GTF2E2: variants seen among roughly 807,000 people sequenced by gnomAD.
GTF2E2 encodes transcription initiation factor IIE subunit beta.
GTF2E2 carries 21 observed loss-of-function variants against 40.5 expected under a neutral mutation model. The ratio of observed to expected loss-of-function variants is 0.52; its 90% CI spans 0.37 to 0.75. The LOEUF is 0.75. GTF2E2 is among the 30% of genes least tolerant of loss of function. The pLI is 0.00. For synonymous variants in GTF2E2, 117 were observed against 121.6 expected, an observed-to-expected ratio of 0.96 and a Z score of 0.25; for missense variants, 298 against 338.4, an observed-to-expected ratio of 0.88 and a Z score of 0.94.
chr8:30,613,489 GGAGA>G (rs1402003692), intron 4 of GTF2E2, among the ~76,000 whole-genome samples: 1 of 152,162 alleles, frequency 6.6e-6, no homozygotes, highest in Non-Finnish European at 1.5e-5. Context: ...GACCCTGAAA[GGAGA>G]AAGAGAAGAA....
intron 6 of GTF2E2, among the ~76,000 whole-genome samples, chr8:30,599,573 T>C (rs1829112976): frequency 9.3e-6 from 1 of 107,118 alleles, no homozygotes; most frequent in Admixed American, 9.0e-5. Flanking sequence ...AGCGAGAGTT[T>C]GTCTCACAAA....
At chr8:30,623,856 TG>T (rs968711606) in intron 3 of GTF2E2, among the ~76,000 whole-genome samples, 2 of 151,784 alleles carry the variant, frequency 1.3e-5, no homozygotes, top group Non-Finnish European at 2.9e-5. Context: ...CACTTTTTGA[TG>T]GGGTTTTTTT....
chr8:30,638,285 G>A lies in GTF2E2; in HGVS notation c.167-3162C>T, dbSNP rs191163621. Among the ~76,000 whole-genome samples, 10 of 152,224 alleles carry A rather than the reference G, an allele frequency of 6.6e-5. 1 individual carries two copies. The East Asian group carries it at 1.9e-3, about 29-fold the overall frequency. On this transcript the variant is annotated intron_variant, in intron 2 of 7. Coordinates refer to ENST00000355904, the MANE Select transcript of GTF2E2 (RefSeq NM_002095.6). ...TGTTTCCTAGGTTACTACCTTTCCC[G>A]ACATTATCTTCCAGCCCTAGCACTG...
At chr8:30,645,601 T>G in intron 2 of GTF2E2, 4 of 1,527,784 alleles carry the variant, frequency 2.6e-6, no homozygotes, top group Non-Finnish European at 3.5e-6. Flanking sequence ...GGTCTAACAC[T>G]CTATAGAAGA....
At chr8:30,615,668 C>A (rs1276593485) in intron 3 of GTF2E2, among the ~76,000 whole-genome samples, 7 of 152,084 alleles carry the variant, frequency 4.6e-5, no homozygotes, top group Non-Finnish European at 4.4e-5. Flanking sequence ...CACGTAGATA[C>A]CAAAAGCTAG....
intron 2 of GTF2E2, among the ~76,000 whole-genome samples, chr8:30,640,879 G>A (rs761413699): frequency 7.2e-5 from 11 of 152,226 alleles, no homozygotes; most frequent in Non-Finnish European, 1.0e-4. Flanking sequence ...TAATTTTTGT[G>A]TTTTTAGCAG....
chr8:30,614,377 C>G (rs150253810), intron 4 of GTF2E2, among the ~76,000 whole-genome samples: 50 of 152,226 alleles, frequency 3.3e-4, no homozygotes, highest in African/African-American at 1.1e-3. Flanking sequence ...GTCAGGAGTT[C>G]AACACCAGCC....
At chr8:30,643,719 T>C (rs1220726498) in intron 2 of GTF2E2, 1 of 148,818 alleles carries the variant, frequency 6.7e-6, no homozygotes, top group African/African-American at 2.5e-5. Flanking sequence ...ATCATACAAA[T>C]CTCTCACCTT....
At chr8:30,638,723 G>A (rs1801696415) in intron 2 of GTF2E2, 1 of 152,558 alleles carries the variant, frequency 6.6e-6, no homozygotes, top group African/African-American at 2.4e-5. Flanking sequence ...AAATCAACCA[G>A]AAAGCTTTGC....
chr8:30,648,356 A>G (rs73578121), intron 2 of GTF2E2, among the ~76,000 whole-genome samples: 1,696 of 152,338 alleles, frequency 0.011, 35 homozygotes, highest in African/African-American at 0.039. Flanking sequence ...TGAAAGCAAC[A>G]TGATCTAATG....
intron 2 of GTF2E2, among the ~76,000 whole-genome samples, chr8:30,651,726 G>T (rs1322339331): frequency 6.6e-6 from 1 of 152,164 alleles, no homozygotes; most frequent in Non-Finnish European, 1.5e-5. Flanking sequence ...TGCAAATGTT[G>T]ATAGATTGAC....
chr8:30,590,735 G>A (rs915141731), intron 6 of GTF2E2, among the ~76,000 whole-genome samples: 1 of 151,380 alleles, frequency 6.6e-6, no homozygotes, highest in Non-Finnish European at 1.5e-5. Context: ...CTGTCACCCA[G>A]GCTGGAGTGC....
chr8:30,620,660 C>T (rs1161730589), intron 3 of GTF2E2, among the ~76,000 whole-genome samples: 3 of 151,594 alleles, frequency 2.0e-5, no homozygotes, highest in Admixed American at 1.3e-4. Flanking sequence ...CACGGTGGCT[C>T]ACGTCTGCAA....
chr8:30,588,939 T>G (rs904890484), intron 6 of GTF2E2, among the ~76,000 whole-genome samples: 18 of 152,314 alleles, frequency 1.2e-4, no homozygotes, highest in African/African-American at 3.8e-4. Flanking sequence ...TACACACTGC[T>G]TGAAAATTTT....
At chr8:30,605,375 AAAC>A (rs1829291243) in intron 6 of GTF2E2, among the ~76,000 whole-genome samples, 1 of 152,222 alleles carries the variant, frequency 6.6e-6, no homozygotes, top group Admixed American at 6.5e-5. Context: ...AAAAATCAAG[AAAC>A]AATAGCATAA....
rs575595626 is a variant in GTF2E2 at position 30,658,140 on chromosome 8, C to T, written c.-172G>A. ...CGCCAGGTCGGGGTCTCACCACTGG[C>T]GGTGGCGGCGGCGGCGGCGGCAGCG... is the stretch of plus-strand genomic sequence containing the variant. On this transcript the variant is annotated 5_prime_UTR_variant, in exon 1 of 8. Transcript: ENST00000355904. 1.1e-5 allele frequency: 2 copies of T among 186,104 alleles called. No homozygotes were observed. The highest frequency in any genetic ancestry group is 1.8e-4 in the East Asian group (1 of 5,670). The allele number at this position is 186,104 out of a possible 1,614,324, so 11.5% of individuals were successfully genotyped here.
intron 3 of GTF2E2, among the ~76,000 whole-genome samples, chr8:30,618,519 C>A (rs1800991572): frequency 1.3e-5 from 2 of 152,002 alleles, no homozygotes; most frequent in Non-Finnish European, 2.9e-5. Context: ...CAGGATTCTG[C>A]AACACAGTGA....
chr8:30,656,809 G>GAAAAAAAAAAAA (rs370990168), intron 1 of GTF2E2: 3 of 110,142 alleles, frequency 2.7e-5, no homozygotes, highest in African/African-American at 3.6e-5. Flanking sequence ...CTCCGTCTCA[G>GAAAAAAAAAAAA]AAAAAAAAAA....
At chr8:30,597,621 G>T (rs747447567) in intron 6 of GTF2E2, 4 of 152,232 alleles carry the variant, frequency 2.6e-5, no homozygotes, top group Non-Finnish European at 5.9e-5. Flanking sequence ...TCTCCTTACA[G>T]TTTGGGTTGG....
Sources: gnomAD v4.1 joint callset for allele counts (sites outside exome capture counted in the v4.1 genomes callset) on GRCh38, gnomAD v4.1.1 for gene constraint, MANE v1.5 for transcripts, NCBI Gene and HGNC (gene_info 2026-07-23, HGNC 2026-07-21) for gene names.